The following ZNF385D variants were observed in gnomAD, a reference collection of about 807,000 sequenced individuals.
ZNF385D encodes zinc finger protein 385D.
ZNF385D carries 15 observed loss-of-function variants against 35.8 expected under a neutral mutation model. That is an observed-to-expected ratio of 0.42 (90% confidence interval 0.28 to 0.64). The LOEUF is 0.64. ZNF385D is among the 30% of genes least tolerant of loss of function. The pLI, the probability that ZNF385D is intolerant of heterozygous loss-of-function variation, is 0.23. For synonymous variants in ZNF385D, 212 were observed against 186.8 expected (o/e 1.13, Z -1.10); for missense variants, 474 against 494.6 (o/e 0.96, Z 0.39).
intron 2 of ZNF385D, among the ~76,000 whole-genome samples, chr3:22,297,872 C>A (rs956057671): frequency 6.6e-6 from 1 of 152,000 alleles, no homozygotes; most frequent in Non-Finnish European, 1.5e-5. Context: ...AAACGTACAA[C>A]GCGTATTTTC....
intron 2 of ZNF385D, among the ~76,000 whole-genome samples, chr3:21,640,648 C>G (rs1298140238): frequency 6.6e-6 from 1 of 152,130 alleles, no homozygotes; most frequent in South Asian, 2.1e-4. Context: ...TTGCCAAACA[C>G]AGAATCTGCT....
At chr3:21,438,575 A>C (rs1430024664) in intron 4 of ZNF385D, among the ~76,000 whole-genome samples, 1 of 152,154 alleles carries the variant, frequency 6.6e-6, no homozygotes, top group African/African-American at 2.4e-5. Flanking sequence ...ATAGGGCATC[A>C]GAAACACTAG....
chr3:21,548,856 C>A (rs1298810315), intron 3 of ZNF385D, among the ~76,000 whole-genome samples: 1 of 152,198 alleles, frequency 6.6e-6, no homozygotes, highest in East Asian at 1.9e-4. Flanking sequence ...GTCCACCTAG[C>A]TGTTTCAGTA....
At chr3:21,626,958 T>C (rs141455231) in intron 2 of ZNF385D, among the ~76,000 whole-genome samples, 12 of 152,028 alleles carry the variant, frequency 7.9e-5, no homozygotes, top group African/African-American at 2.7e-4. Context: ...AGGGAAAAGA[T>C]TGTCAGTTAG....
intron 4 of ZNF385D, among the ~76,000 whole-genome samples, chr3:21,443,014 AT>A (rs1476601205): frequency 6.6e-6 from 1 of 152,048 alleles, no homozygotes; most frequent in African/African-American, 2.4e-5. Flanking sequence ...AATCACAAAA[AT>A]GTATGTCTAA....
At chr3:22,302,968 G>A (rs1043781326) in intron 2 of ZNF385D, among the ~76,000 whole-genome samples, 10 of 152,038 alleles carry the variant, frequency 6.6e-5, no homozygotes, top group African/African-American at 2.4e-4. Context: ...ATAGAAACGT[G>A]TAAAATTTTA....
intron 3 of ZNF385D, among the ~76,000 whole-genome samples, chr3:22,137,689 T>C (rs1704237105): frequency 6.6e-6 from 1 of 152,164 alleles, no homozygotes; most frequent in South Asian, 2.1e-4. Context: ...AAGAGCTATC[T>C]ATGACAAACC....
intron 3 of ZNF385D, among the ~76,000 whole-genome samples, chr3:21,929,635 A>T (rs1700905111): frequency 6.6e-6 from 1 of 152,120 alleles, no homozygotes; most frequent in South Asian, 2.1e-4. Context: ...ACATATAAAA[A>T]ATCAATTGTA....
intron 3 of ZNF385D, among the ~76,000 whole-genome samples, chr3:21,885,083 C>A (rs1042586954): frequency 2.0e-5 from 3 of 151,882 alleles, no homozygotes; most frequent in Non-Finnish European, 4.4e-5. Flanking sequence ...GAAAAACTTA[C>A]CAACTTCTTC....
chr3:21,598,103 G>T (rs62237368), intron 2 of ZNF385D, among the ~76,000 whole-genome samples: 16,796 of 152,194 alleles, frequency 0.11, 1,146 homozygotes, highest in East Asian at 0.25. Context: ...ATAAGCGGTT[G>T]AATCATTTAT....
At chr3:22,036,127 G>A (rs1698300699) in intron 3 of ZNF385D, among the ~76,000 whole-genome samples, 2 of 152,138 alleles carry the variant, frequency 1.3e-5, no homozygotes, top group Admixed American at 1.3e-4. Context: ...ATGTACAGTA[G>A]TTAGAGAAAA....
intron 1 of ZNF385D, among the ~76,000 whole-genome samples, chr3:21,692,065 C>CT (rs1211972033): frequency 6.6e-6 from 1 of 152,136 alleles, no homozygotes; most frequent in African/African-American, 2.4e-5. Context: ...GAATTTCATT[C>CT]TTTTTTAGGG....
intron 5 of ZNF385D, among the ~76,000 whole-genome samples, chr3:21,433,771 A>G (rs1457287673): frequency 6.6e-6 from 1 of 152,206 alleles, no homozygotes; most frequent in East Asian, 1.9e-4. Context: ...ACTACTCCCT[A>G]AAAAATATTT....
At position 21,541,635 on chromosome 3, in the gene ZNF385D, T is replaced by C. The variant is rs144040740; in HGVS notation, c.276+22939A>G. On this transcript the variant is annotated intron_variant, in intron 3 of 7. Transcript: ENST00000281523. ...TCTGACCAGGAACAAACCCTCCTACTGTCCTAGTTTTCAGGACTAGGATGA... is the reference window on the plus strand; with the variant it reads ...TCTGACCAGGAACAAACCCTCCTACCGTCCTAGTTTTCAGGACTAGGATGA... Among the ~76,000 whole-genome samples the C allele has an allele frequency of 2.2e-3, 328 of 152,334 alleles. 2 individuals carry two copies. The highest frequency in any genetic ancestry group is 6.5e-3 in the African/African-American group (272 of 41,568).
intron 3 of ZNF385D, among the ~76,000 whole-genome samples, chr3:21,807,400 G>A (rs1369511346): frequency 6.6e-6 from 1 of 152,010 alleles, no homozygotes; most frequent in African/African-American, 2.4e-5. Flanking sequence ...ACCTGTTTAT[G>A]GTGTAAACAA....
intron 2 of ZNF385D, among the ~76,000 whole-genome samples, chr3:22,208,996 TTA>T (rs1214795055): frequency 1.3e-4 from 20 of 151,974 alleles, no homozygotes; most frequent in Admixed American, 1.1e-3. Flanking sequence ...ATCCCCCACT[TTA>T]TGAGACTATA....
intron 4 of ZNF385D, among the ~76,000 whole-genome samples, chr3:21,467,386 CAAAGTAAG>C (rs1228461100): frequency 6.6e-6 from 1 of 152,148 alleles, no homozygotes; most frequent in Non-Finnish European, 1.5e-5. Flanking sequence ...AGTTGGAAGA[CAAAGTAAG>C]ACTGTTTCTC....
At chr3:21,867,025 C>T (rs760719427) in intron 3 of ZNF385D, among the ~76,000 whole-genome samples, 1 of 152,094 alleles carries the variant, frequency 6.6e-6, no homozygotes, top group Non-Finnish European at 1.5e-5. Context: ...ATAAAGAAAA[C>T]TACCTTGAGG....
At chr3:21,733,101 T>A (rs1260772922) in intron 1 of ZNF385D, among the ~76,000 whole-genome samples, 2 of 152,244 alleles carry the variant, frequency 1.3e-5, no homozygotes, top group African/African-American at 2.4e-5. Flanking sequence ...TTCATTTTTT[T>A]TTCAAGTGGA....
Sources: gnomAD v4.1 joint callset for allele counts (sites outside exome capture counted in the v4.1 genomes callset) on GRCh38, gnomAD v4.1.1 for gene constraint, MANE v1.5 for transcripts, NCBI Gene and HGNC (gene_info 2026-07-23, HGNC 2026-07-21) for gene names.